Variants in EIPR1 observed in about 807,000 individuals in gnomAD.
EIPR1 encodes EARP and GARP complex-interacting protein 1.
In EIPR1, 25 loss-of-function variants were observed where a neutral mutation model predicts 48.1. The observed-to-expected ratio is 0.52, with a 90% confidence interval of 0.38 to 0.73. The LOEUF (loss-of-function observed/expected upper bound fraction) is 0.73. Ranked by LOEUF, EIPR1 falls within the 30% of genes least tolerant of loss-of-function variation. The pLI, the probability that EIPR1 is intolerant of heterozygous loss-of-function variation, is 0.00. For missense variants in EIPR1, 415 were observed against 506.2 expected (o/e 0.82, Z 1.73); for synonymous variants, 204 against 201.9 (o/e 1.01, Z -0.09).
In EIPR1 at chr2:3,193,442, C is replaced by T. The variant is rs191126561; in HGVS notation, c.821+557G>A. Reference sequence around the variant, plus strand: ...TTGTGTACACCCGTGTGTGCACACACGTTTTATTTGCATAAAAATGGATTC... The same window carrying T: ...TTGTGTACACCCGTGTGTGCACACATGTTTTATTTGCATAAAAATGGATTC... On this transcript the variant is annotated intron_variant, in intron 7 of 8. Coordinates refer to ENST00000382125, the MANE Select transcript of EIPR1 (RefSeq NM_003310.5). 1.1e-4 allele frequency among the ~76,000 whole-genome samples: 17 copies of T among 152,332 alleles called. 1 individual carries two copies. The East Asian group carries it at 1.3e-3, about 12-fold the overall frequency.
At chr2:3,262,911 A>C (rs1321317441) in intron 3 of EIPR1, among the ~76,000 whole-genome samples, 1 of 152,162 alleles carries the variant, frequency 6.6e-6, no homozygotes, top group Non-Finnish European at 1.5e-5. Context: ...GAGACGGTGC[A>C]CACAGGACAG....
At position 3,196,865 on chromosome 2, in the gene EIPR1, G is replaced by T. The variant is rs749866622; in HGVS notation, c.653+16C>A. The T allele has an allele frequency of 6.2e-7, 1 of 1,612,342 alleles. No homozygotes were observed. Among genetic ancestry groups the T allele is most frequent in the South Asian group, 1.1e-5 (1 of 90,770 alleles). On this transcript the variant is annotated intron_variant, in intron 6 of 8. Coordinates refer to ENST00000382125, the MANE Select transcript of EIPR1 (RefSeq NM_003310.5). ...GAGGAAAGGAAGTGGGGCCTGCGCCGGGTGGGCTCACTGACCTCATGCTCC... is the reference window on the plus strand; with the variant it reads ...GAGGAAAGGAAGTGGGGCCTGCGCCTGGTGGGCTCACTGACCTCATGCTCC...
At chr2:3,325,782 GC>G (rs1669678558) in intron 3 of EIPR1, among the ~76,000 whole-genome samples, 1 of 152,210 alleles carries the variant, frequency 6.6e-6, no homozygotes, top group South Asian at 2.1e-4. Context: ...TTCATTTCAG[GC>G]TATAAATCAT....
At chr2:3,352,927 G>A (rs1012113968) in intron 2 of EIPR1, among the ~76,000 whole-genome samples, 1 of 152,224 alleles carries the variant, frequency 6.6e-6, no homozygotes, top group Non-Finnish European at 1.5e-5. Flanking sequence ...AACCTGGGAG[G>A]CGGAGGTTGC....
intron 3 of EIPR1, chr2:3,282,918 C>T (rs1379909432): frequency 1.3e-5 from 2 of 152,254 alleles, no homozygotes; most frequent in Non-Finnish European, 2.9e-5. Flanking sequence ...GAATTAGCTT[C>T]GAGGAGGTGC....
intron 4 of EIPR1, among the ~76,000 whole-genome samples, chr2:3,235,138 A>G (rs1474971245): frequency 6.6e-6 from 1 of 152,246 alleles, no homozygotes. Context: ...ATGCAAATTG[A>G]AAAGGAAAAA....
intron 3 of EIPR1, among the ~76,000 whole-genome samples, chr2:3,268,072 G>A (rs771768607): frequency 3.9e-5 from 6 of 152,198 alleles, no homozygotes; most frequent in Non-Finnish European, 7.3e-5. Flanking sequence ...GGTTGTGAGT[G>A]TGTGCAGGGA....
chr2:3,295,558 CCT>C (rs1668541843), intron 3 of EIPR1, among the ~76,000 whole-genome samples: 1 of 132,736 alleles, frequency 7.5e-6, no homozygotes, highest in Non-Finnish European at 1.6e-5. Flanking sequence ...TCCAGCCCAT[CCT>C]CTCTCCACAC....
intron 4 of EIPR1, among the ~76,000 whole-genome samples, chr2:3,244,328 T>G (rs1047599912): frequency 1.8e-4 from 27 of 152,328 alleles, no homozygotes; most frequent in African/African-American, 6.3e-4. Context: ...AAAAGTCAAC[T>G]CTAGTTAAAA....
chr2:3,257,398 T>G lies in EIPR1; in HGVS notation c.317A>C (p.Glu106Ala). The G allele has an allele frequency of 6.2e-7, 1 of 1,614,172 alleles. No homozygotes were observed. Among genetic ancestry groups the G allele is most frequent in the Non-Finnish European group, 8.5e-7 (1 of 1,180,028 alleles). The change falls in exon 4 of 9, where the codon GAA becomes GCA. Residue 106 changes from glutamate (E) to alanine (A), a missense_variant. By Grantham distance (107) the Glu-to-Ala change is moderately radical (BLOSUM62 -1). Transcript: ENST00000382125. ...ATCAGGGGACTCGTGGCTGCCTGAT[T>G]CCAATTCCTTCGGCATCCTCCACAC... ...AAVWRMPKEL[E>A]SGSHESPDDS...
At chr2:3,236,357 C>A (rs545486916) in intron 4 of EIPR1, among the ~76,000 whole-genome samples, 1 of 152,236 alleles carries the variant, frequency 6.6e-6, no homozygotes, top group Non-Finnish European at 1.5e-5. Flanking sequence ...CAGTCCTCAT[C>A]CTTGTCCCTC....
chr2:3,273,596 C>A (rs1368409504), intron 3 of EIPR1, among the ~76,000 whole-genome samples: 1 of 152,180 alleles, frequency 6.6e-6, no homozygotes, highest in Non-Finnish European at 1.5e-5. Context: ...ACACTGAGAA[C>A]CTGAAAACTG....
chr2:3,340,164 A>C (rs1670191590), intron 2 of EIPR1, among the ~76,000 whole-genome samples: 1 of 152,244 alleles, frequency 6.6e-6, no homozygotes, highest in Non-Finnish European at 1.5e-5. Context: ...GCTATTTCTT[A>C]ATAGCAATAT....
chr2:3,370,030 C>T (rs1237074272), intron 1 of EIPR1, among the ~76,000 whole-genome samples: 4 of 152,158 alleles, frequency 2.6e-5, no homozygotes, highest in Non-Finnish European at 4.4e-5. Flanking sequence ...GGGTACTCCT[C>T]TGAGACAAAA....
chr2:3,307,174 C>A (rs1668973091), intron 3 of EIPR1, among the ~76,000 whole-genome samples: 1 of 152,110 alleles, frequency 6.6e-6, no homozygotes, highest in South Asian at 2.1e-4. Context: ...GTTGGACAGG[C>A]TGGTCTCAAA....
chr2:3,375,236 G>T (rs532852529), intron 1 of EIPR1, among the ~76,000 whole-genome samples: 1 of 106,258 alleles, frequency 9.4e-6, no homozygotes. Context: ...GTTGTGGGGT[G>T]GGGGGAGGGG....
intron 4 of EIPR1, among the ~76,000 whole-genome samples, chr2:3,253,987 C>A (rs565837262): frequency 1.3e-5 from 2 of 152,216 alleles, no homozygotes; most frequent in South Asian, 4.1e-4. Context: ...GTGTGGGGAA[C>A]CGTGTGGCAT....
intron 1 of EIPR1, among the ~76,000 whole-genome samples, chr2:3,372,523 C>T (rs1331409611): frequency 4.6e-5 from 7 of 152,072 alleles, no homozygotes; most frequent in East Asian, 1.9e-4. Flanking sequence ...ATCAAATAGA[C>T]GCAATAAAAA....
intron 3 of EIPR1, among the ~76,000 whole-genome samples, chr2:3,287,821 C>T (rs1020228726): frequency 2.7e-5 from 4 of 150,616 alleles, no homozygotes; most frequent in African/African-American, 9.7e-5. Flanking sequence ...GCTCATTCAC[C>T]ATGCTCCAGA....
Sources: allele counts gnomAD v4.1 joint callset (sites outside exome capture counted in the v4.1 genomes callset), GRCh38; gene constraint gnomAD v4.1.1; transcripts MANE v1.5; gene names NCBI Gene and HGNC (gene_info 2026-07-23, HGNC 2026-07-21).